Variants in TRAPPC8 observed in about 807,000 individuals in gnomAD.
The protein encoded by TRAPPC8 is general sporulation gene 1 homolog.
Under a neutral mutation model 174.3 loss-of-function variants are expected in TRAPPC8, and 54 were observed. That is an observed-to-expected ratio of 0.31 (90% CI 0.25 to 0.39). TRAPPC8 has a LOEUF of 0.39. Ranked by LOEUF, TRAPPC8 falls within the 10% of genes least tolerant of loss-of-function variation. The probability of loss-of-function intolerance (pLI) is 1.00; values close to 1 mark genes in which losing one functional copy is unlikely to be tolerated. For synonymous variants in TRAPPC8, 630 were observed against 579.9 expected, an observed-to-expected ratio of 1.09 and a Z score of -1.24; for missense variants, 1,531 against 1,699.1, an observed-to-expected ratio of 0.90 and a Z score of 1.74.
intron 9 of TRAPPC8, among the ~76,000 whole-genome samples, chr18:31,901,876 T>A (rs574789608): frequency 6.6e-6 from 1 of 152,236 alleles, no homozygotes; most frequent in Non-Finnish European, 1.5e-5. Context: ...TATGGGTGAA[T>A]GTTTGGTCAG....
chr18:31,866,769 A>C, intron 18 of TRAPPC8, 80 bp downstream of exon 18: 1 of 1,504,056 alleles, frequency 6.6e-7, no homozygotes, highest in Non-Finnish European at 9.0e-7. Flanking sequence ...TATTTAGAAA[A>C]TACATCATTT....
chr18:31,918,999 C>T (rs1420726215), intron 2 of TRAPPC8, among the ~76,000 whole-genome samples: 3 of 152,142 alleles, frequency 2.0e-5, no homozygotes, highest in Non-Finnish European at 4.4e-5. Context: ...ATTCTTTCTG[C>T]TTATATTATA....
chr18:31,857,347 T>A (rs1284616485), intron 20 of TRAPPC8, among the ~76,000 whole-genome samples, 193 bp downstream of exon 20: 1 of 152,182 alleles, frequency 6.6e-6, no homozygotes, highest in Non-Finnish European at 1.5e-5. Flanking sequence ...ATGTGTGCCG[T>A]TAAATTTTAT....
intron 5 of TRAPPC8, among the ~76,000 whole-genome samples, chr18:31,910,220 T>C (rs1598724489): frequency 1.3e-5 from 2 of 152,230 alleles, no homozygotes; most frequent in African/African-American, 4.8e-5. Context: ...TACTGAAGTG[T>C]TTTAGAAAAA....
chr18:31,937,778 A>G (rs2038169938), intron 1 of TRAPPC8: 1 of 152,146 alleles, frequency 6.6e-6, no homozygotes, highest in Non-Finnish European at 1.5e-5. Context: ...ATCTTGGCTC[A>G]CTGCAACCTT....
chr18:31,854,507 C>T (rs952977113), intron 21 of TRAPPC8, among the ~76,000 whole-genome samples: 1 of 152,120 alleles, frequency 6.6e-6, no homozygotes, highest in Non-Finnish European at 1.5e-5. Context: ...CAAAGTACAG[C>T]ACATTAGCCC....
At chr18:31,925,817 G>A (rs139206174) in intron 2 of TRAPPC8, among the ~76,000 whole-genome samples, 1 of 152,100 alleles carries the variant, frequency 6.6e-6, no homozygotes, top group East Asian at 1.9e-4. Context: ...AAAGAAAGTG[G>A]ATCAATTCTG....
intron 12 of TRAPPC8, among the ~76,000 whole-genome samples, chr18:31,880,116 T>TAA (rs2035367624): frequency 1.1e-5 from 1 of 88,096 alleles, no homozygotes; most frequent in African/African-American, 4.6e-5. Flanking sequence ...TATATATATA[T>TAA]ATATATTTTT....
chr18:31,927,565 AT>A (rs1317905030), intron 2 of TRAPPC8, among the ~76,000 whole-genome samples: 3 of 151,744 alleles, frequency 2.0e-5, no homozygotes, highest in Non-Finnish European at 4.4e-5. Flanking sequence ...CTACCAGCTA[AT>A]TTTTTTTAAA....
At chr18:31,933,024 G>A (rs542205735) in intron 1 of TRAPPC8, among the ~76,000 whole-genome samples, 24 of 122,506 alleles carry the variant, frequency 2.0e-4, no homozygotes, top group South Asian at 1.0e-3. Flanking sequence ...AAAAAAAGCC[G>A]GGCGCAGTGG....
At chr18:31,916,144 T>G (rs12968487) in intron 4 of TRAPPC8, 128 bp downstream of exon 4, 165,959 of 617,710 alleles carry the variant, frequency 0.27, 24,089 homozygotes, top group Middle Eastern at 0.36. Flanking sequence ...AAATGCTTTA[T>G]TAATAAAATT....
chr18:31,867,573 T>C, intron 16 of TRAPPC8, 97 bp from the exon 17 acceptor site: 2 of 832,802 alleles, frequency 2.4e-6, no homozygotes, highest in Non-Finnish European at 3.8e-6. Flanking sequence ...TAACACTAAT[T>C]AAAGTCTGCA....
chr18:31,943,087 G>A lies in TRAPPC8; in HGVS notation c.-323C>T, dbSNP rs904934473. 2.6e-5 allele frequency: 11 copies of A among 424,708 alleles called. No individual in the cohort carries two copies. The highest frequency in any genetic ancestry group is 1.1e-4 in the South Asian group (1 of 9,210). The allele number at this position is 424,708 out of a possible 1,614,324, so 26.3% of individuals were successfully genotyped here. A position where few individuals can be genotyped will look rare whatever the true frequency, so the allele number is the denominator to read the frequency against. ...CCTTGGTCACTGCCCGGCCGGAACC[G>A]CCATGTTGAGGCCGAACCCTGACCA... On this transcript the variant is annotated 5_prime_UTR_variant, in exon 1 of 29. Coordinates refer to ENST00000283351, the MANE Select transcript of TRAPPC8 (RefSeq NM_014939.5).
At chr18:31,935,364 C>CA (rs10646414) in intron 1 of TRAPPC8, among the ~76,000 whole-genome samples, 1 of 108,200 alleles carries the variant, frequency 9.2e-6, no homozygotes. Flanking sequence ...ACAAACAAAC[C>CA]AAAAAAAAAA....
In TRAPPC8 at chr18:31,908,967, C is replaced by A; in HGVS notation, c.909G>T (p.Glu303Asp). The A allele has an allele frequency of 6.2e-7, 1 of 1,612,552 alleles. No homozygotes were observed. The highest frequency in any genetic ancestry group is 1.1e-5 in the South Asian group (1 of 90,950). ...TACTGTTAGAAGGGTCACTGGATTG[C>A]TCCAACTGAAGTGGGTGAGCTCTAA... ...NNFRAHPLQL[E>D]QSSDPSNSID... is the part of the protein sequence containing the mutation. Residue 303 changes from glutamate (E) to aspartate (D), a missense_variant, in exon 7 of 29, where the codon GAG becomes GAT. Physicochemically the swap from Glu to Asp is conservative, Grantham distance 45 (BLOSUM62 2). Coordinates refer to ENST00000283351, the MANE Select transcript of TRAPPC8 (RefSeq NM_014939.5).
In TRAPPC8 at chr18:31,908,477, TA is replaced by T. The variant is rs1164970410; in HGVS notation, c.1123-60del. 3.2e-5 allele frequency: 39 copies of T among 1,209,516 alleles called. No homozygotes were observed. The South Asian group carries it at 4.9e-4, about 15-fold the overall frequency. 74.9% of individuals were successfully genotyped at this position (1,209,516 alleles called of 1,614,324 possible). ...AAGAATTTAGTATTTTTCCTTTACA[TA>T]AAAAAATTTTAACTAAAAAGCTTTA... On this transcript the variant is annotated intron_variant, in intron 7 of 28. Coordinates refer to ENST00000283351, the MANE Select transcript of TRAPPC8 (RefSeq NM_014939.5).
rs750861989 is a variant in TRAPPC8 at position 31,857,937 on chromosome 18, G to A, written c.2791C>T (p.Arg931Ter). The A allele has an allele frequency of 1.2e-6, 2 of 1,613,624 alleles. No individual in the cohort carries two copies. Among genetic ancestry groups the A allele is most frequent in the Non-Finnish European group, 1.7e-6 (2 of 1,179,774 alleles). ...FPTGLLCGEIRKAYVEFVNVS... is the reference protein window; with the variant it reads ...FPTGLLCGEI ...TTGACAAATTCTACATATGCTTTTC[G>A]GATTTCTCCACAGAGAAGCCCTGTA... The change falls in exon 20 of 29, where the codon CGA (arginine) becomes TGA (stop). Residue 931 changes from arginine to a stop codon, truncating the protein, a stop_gained. Coordinates refer to ENST00000283351, the MANE Select transcript of TRAPPC8 (RefSeq NM_014939.5). LOFTEE classifies it high-confidence loss of function.
intron 2 of TRAPPC8, among the ~76,000 whole-genome samples, chr18:31,918,552 C>CACAAG (rs557782770): frequency 7.9e-5 from 12 of 152,208 alleles, no homozygotes; most frequent in East Asian, 3.9e-4. Flanking sequence ...CAAAACATCT[C>CACAAG]ACAAGACAAG....
intron 12 of TRAPPC8, among the ~76,000 whole-genome samples, chr18:31,880,880 TA>T (rs1190850838): frequency 6.6e-6 from 1 of 151,868 alleles, no homozygotes; most frequent in African/African-American, 2.4e-5. Context: ...GAGAACCAAG[TA>T]AGAACTCAAT....
Sources: allele counts gnomAD v4.1 joint callset (sites outside exome capture counted in the v4.1 genomes callset), GRCh38; gene constraint gnomAD v4.1.1; transcripts MANE v1.5; gene names NCBI Gene and HGNC (gene_info 2026-07-23, HGNC 2026-07-21).